MEGF10: variants seen among roughly 807,000 people sequenced by gnomAD.
MEGF10 encodes the protein multiple EGF like domains 10.
In MEGF10, 86 loss-of-function variants were observed where a neutral mutation model predicts 147.5. The observed-to-expected ratio is 0.58, with a 90% CI of 0.49 to 0.70. The LOEUF (loss-of-function observed/expected upper bound fraction) is 0.70. MEGF10 is among the 30% of genes least tolerant of loss of function. The probability of loss-of-function intolerance (pLI) is 0.00; values close to 1 mark genes in which losing one functional copy is unlikely to be tolerated. For missense variants in MEGF10, 1,329 were observed against 1,487.3 expected (o/e 0.89, Z 1.75); for synonymous variants, 478 against 525.5 (o/e 0.91, Z 1.24).
intron 4 of MEGF10, among the ~76,000 whole-genome samples, chr5:127,366,430 C>A (rs1561597416): frequency 6.6e-6 from 1 of 152,086 alleles, no homozygotes; most frequent in East Asian, 1.9e-4. Flanking sequence ...GTGTTCTTTC[C>A]TTTTAGACTC....
intron 1 of MEGF10, among the ~76,000 whole-genome samples, chr5:127,323,552 TGCC>T (rs1760878308): frequency 6.6e-6 from 1 of 152,208 alleles, no homozygotes; most frequent in African/African-American, 2.4e-5. Flanking sequence ...CTACTAAAGA[TGCC>T]AATGAAATGA....
intron 1 of MEGF10, among the ~76,000 whole-genome samples, chr5:127,299,415 C>T (rs1759666138): frequency 6.6e-6 from 1 of 152,148 alleles, no homozygotes; most frequent in South Asian, 2.1e-4. Context: ...GGGGACTCTC[C>T]AGATGCCATC....
chr5:127,245,662 T>C, the MEGF10 span, among the ~76,000 whole-genome samples: 15 of 151,950 alleles, frequency 9.9e-5, no homozygotes, highest in African/African-American at 3.6e-4. Context: ...ATCATCAGAG[T>C]GAATAGGCAA....
intron 1 of MEGF10, among the ~76,000 whole-genome samples, chr5:127,324,201 T>TG (rs997385660): frequency 9.8e-5 from 3 of 30,564 alleles, no homozygotes; most frequent in South Asian, 1.7e-3. Flanking sequence ...CTAAGAGGGC[T>TG]TTTATTTTGG....
intron 24 of MEGF10, among the ~76,000 whole-genome samples, chr5:127,456,779 G>A (rs2127048470): frequency 6.6e-6 from 1 of 152,264 alleles, no homozygotes; most frequent in Admixed American, 6.5e-5. Flanking sequence ...ATTAACGTTT[G>A]AGAATGTCAG....
At chr5:127,236,232 A>G in the MEGF10 span, among the ~76,000 whole-genome samples, 1 of 152,146 alleles carries the variant, frequency 6.6e-6, no homozygotes, top group African/African-American at 2.4e-5. Flanking sequence ...CAGCCTCCCA[A>G]AGTGCTGGGA....
Position 127,440,835 on chromosome 5 carries a change from G to C in MEGF10, c.2330G>C (p.Arg777Pro). 1.2e-6 allele frequency: 2 copies of C among 1,614,104 alleles called. No individual in the cohort carries two copies. Among genetic ancestry groups the C allele is most frequent in the Non-Finnish European group, 1.7e-6 (2 of 1,179,976 alleles). ...CDHISGQCTC[R>P]TGFMGRHCEQ... ...CACATTTCTGGGCAGTGTACTTGCCGCACTGGATTCATGGGACGGCACTGT... is the reference window on the plus strand; with the variant it reads ...CACATTTCTGGGCAGTGTACTTGCCCCACTGGATTCATGGGACGGCACTGT... Residue 777 changes from arginine (R) to proline (P), a missense_variant, in exon 18 of 25, where the codon CGC becomes CCC. By Grantham distance (103) the Arg-to-Pro change is moderately radical. Transcript: ENST00000503335.
At chr5:127,345,755 GTTCT>G (rs1316057005) in intron 4 of MEGF10, among the ~76,000 whole-genome samples, 2 of 152,050 alleles carry the variant, frequency 1.3e-5, no homozygotes, top group Non-Finnish European at 2.9e-5. Context: ...ATATCAATAA[GTTCT>G]TTATTGGCGA....
At chr5:127,451,920 AAG>A (rs1340668220) in intron 22 of MEGF10, among the ~76,000 whole-genome samples, 1 of 152,200 alleles carries the variant, frequency 6.6e-6, no homozygotes, top group Admixed American at 6.5e-5. Context: ...TGGTATCTGA[AAG>A]AGCCTTGAAC....
intron 9 of MEGF10, 76 bp from the exon 10 acceptor site, chr5:127,417,562 T>C: frequency 7.0e-7 from 1 of 1,436,684 alleles, no homozygotes; most frequent in Non-Finnish European, 9.8e-7. Flanking sequence ...TGATCATTGC[T>C]AAAGCAACAT....
the MEGF10 span, among the ~76,000 whole-genome samples, chr5:127,261,884 G>A: frequency 6.6e-6 from 1 of 151,952 alleles, no homozygotes; most frequent in East Asian, 1.9e-4. Context: ...TTTTTCTTGT[G>A]CTTATTAGCC....
the MEGF10 span, among the ~76,000 whole-genome samples, chr5:127,239,230 A>G: frequency 4.0e-5 from 6 of 151,828 alleles, no homozygotes; most frequent in African/African-American, 9.7e-5. Context: ...GATCGGGGGG[A>G]AAAAACAGCT....
intron 16 of MEGF10, among the ~76,000 whole-genome samples, chr5:127,437,468 G>A (rs77970463): frequency 2.6e-3 from 396 of 152,292 alleles, no homozygotes; most frequent in South Asian, 0.013. Flanking sequence ...TACTTCATAT[G>A]TATTATTGAT....
chr5:127,424,004 G>C (rs551093535), intron 13 of MEGF10, among the ~76,000 whole-genome samples: 1 of 152,100 alleles, frequency 6.6e-6, no homozygotes, highest in Non-Finnish European at 1.5e-5. Context: ...TATAGTTTTA[G>C]CTTCTGTATT....
intron 13 of MEGF10, among the ~76,000 whole-genome samples, chr5:127,428,588 A>G (rs78705252): frequency 0.026 from 4,017 of 152,288 alleles, 182 homozygotes; most frequent in African/African-American, 0.091. Context: ...ACTAAATACT[A>G]TAGTTCCTCC....
In MEGF10 at chr5:127,461,067, G is replaced by A. The variant is rs567392542; in HGVS notation, c.*3749G>A. The A allele has an allele frequency of 1.3e-5, 2 of 152,212 alleles. No homozygotes were observed. Among genetic ancestry groups the A allele is most frequent in the East Asian group, 3.9e-4 (2 of 5,186 alleles). 9.4% of individuals were successfully genotyped at this position (152,212 alleles called of 1,614,324 possible). A position where few individuals can be genotyped will look rare whatever the true frequency, so the allele number is the denominator to read the frequency against. ...AAAAGAAAAATCAAAATACATTAGG[G>A]TTTACTTGGTTGTGGCAAACAAACA... On this transcript the variant is annotated 3_prime_UTR_variant, in exon 25 of 25. Transcript: ENST00000503335.
intron 9 of MEGF10, among the ~76,000 whole-genome samples, 191 bp from the exon 10 acceptor site, chr5:127,417,447 A>C (rs1764819019): frequency 6.6e-6 from 1 of 152,228 alleles, no homozygotes; most frequent in African/African-American, 2.4e-5. Flanking sequence ...CTGATTTCAT[A>C]CAACATTCCT....
intron 4 of MEGF10, among the ~76,000 whole-genome samples, chr5:127,360,592 T>C (rs775752670): frequency 2.6e-5 from 4 of 152,090 alleles, no homozygotes; most frequent in Middle Eastern, 3.4e-3. Flanking sequence ...TCTTTTACCA[T>C]TGACTATGTT....
At chr5:127,391,084 A>ATGTGCGCGCGTGCGCGCGCG (rs146867870) in intron 5 of MEGF10, among the ~76,000 whole-genome samples, 1 of 93,542 alleles carries the variant, frequency 1.1e-5, no homozygotes, top group Admixed American at 1.2e-4. Context: ...ATACATACAC[A>ATGTGCGCGCGTGCGCGCGCG]CATGCGCGCG....
Sources: gnomAD v4.1 joint callset for allele counts (sites outside exome capture counted in the v4.1 genomes callset) on GRCh38, gnomAD v4.1.1 for gene constraint, MANE v1.5 for transcripts, NCBI Gene and HGNC (gene_info 2026-07-23, HGNC 2026-07-21) for gene names.